Variants in CSMD1 observed in about 807,000 individuals in gnomAD.
CSMD1 encodes CUB and Sushi multiple domains 1, also known as CUB and sushi domain-containing protein 1.
In CSMD1, 213 loss-of-function variants were observed where a neutral mutation model predicts 417.5. The observed-to-expected ratio is 0.51, with a 90% confidence interval of 0.46 to 0.57. The LOEUF (loss-of-function observed/expected upper bound fraction) is 0.57, where lower values mean the gene tolerates loss of function less well. Among genes scored for constraint, CSMD1 ranks in the 20% least tolerant of loss-of-function variants. CSMD1 has a pLI of 0.00. For synonymous variants in CSMD1, 2,862 were observed against 1,736.8 expected, an observed-to-expected ratio of 1.65 and a Z score of -16.11; for missense variants, 6,923 against 4,529.7, an observed-to-expected ratio of 1.53 and a Z score of -15.17.
At chr8:3,788,697 TTA>T (rs906000156) in intron 5 of CSMD1, among the ~76,000 whole-genome samples, 1 of 152,194 alleles carries the variant, frequency 6.6e-6, no homozygotes, top group Admixed American at 6.5e-5. Context: ...ACAGACACAG[TTA>T]TGAGTCTAAG....
At chr8:4,921,903 C>A (rs555866133) in intron 1 of CSMD1, among the ~76,000 whole-genome samples, 3 of 152,288 alleles carry the variant, frequency 2.0e-5, no homozygotes, top group African/African-American at 7.2e-5. Context: ...ACCTTCCATG[C>A]AAGAAGCCAC....
chr8:3,017,465 A>G (rs1056487663), intron 52 of CSMD1, among the ~76,000 whole-genome samples: 8 of 152,320 alleles, frequency 5.3e-5, no homozygotes, highest in South Asian at 2.1e-4. Flanking sequence ...CATATATATA[A>G]TTGTGTTCAA....
chr8:3,070,316 C>T (rs1813247837), intron 49 of CSMD1, among the ~76,000 whole-genome samples: 1 of 152,220 alleles, frequency 6.6e-6, no homozygotes, highest in South Asian at 2.1e-4. Flanking sequence ...AAGCTTTTTT[C>T]TTCCTCTGCC....
intron 1 of CSMD1, among the ~76,000 whole-genome samples, chr8:4,674,786 C>G (rs1805570543): frequency 6.6e-6 from 1 of 152,102 alleles, no homozygotes; most frequent in Admixed American, 6.6e-5. Context: ...TGAATCGTGT[C>G]CCCCTCCAAA....
At chr8:3,841,607 A>G (rs557010115) in intron 5 of CSMD1, among the ~76,000 whole-genome samples, 2 of 152,286 alleles carry the variant, frequency 1.3e-5, no homozygotes, top group East Asian at 3.9e-4. Context: ...AAAGGATTTT[A>G]GAACTGGATC....
chr8:4,091,497 T>G (rs1019222520), intron 3 of CSMD1, among the ~76,000 whole-genome samples: 1 of 152,234 alleles, frequency 6.6e-6, no homozygotes, highest in Non-Finnish European at 1.5e-5. Context: ...TTTACTTATA[T>G]GCTGCATTGC....
chr8:3,032,819 A>T (rs756540405), intron 50 of CSMD1, among the ~76,000 whole-genome samples: 1 of 152,034 alleles, frequency 6.6e-6, no homozygotes, highest in Non-Finnish European at 1.5e-5. Flanking sequence ...GCAAAATTTC[A>T]CTTGCACACC....
chr8:3,096,631 A>G (rs1215936450), intron 47 of CSMD1, among the ~76,000 whole-genome samples: 4 of 152,190 alleles, frequency 2.6e-5, no homozygotes, highest in African/African-American at 7.2e-5. Flanking sequence ...GCAGCATGAA[A>G]ATGGACTAAT....
At chr8:3,304,726 TTC>T (rs1011541253) in intron 25 of CSMD1, among the ~76,000 whole-genome samples, 6 of 26,292 alleles carry the variant, frequency 2.3e-4, no homozygotes, top group African/African-American at 6.7e-4. Flanking sequence ...TTTTTTATTT[TTC>T]TCTTTTTAAT....
intron 1 of CSMD1, among the ~76,000 whole-genome samples, chr8:4,744,319 C>A (rs942907119): frequency 1.3e-5 from 2 of 152,114 alleles, no homozygotes; most frequent in Admixed American, 1.3e-4. Context: ...TTCCTGAGTT[C>A]TACTGATGTG....
At chr8:4,423,326 G>C (rs552908489) in intron 2 of CSMD1, among the ~76,000 whole-genome samples, 16 of 152,166 alleles carry the variant, frequency 1.1e-4, no homozygotes, top group South Asian at 1.0e-3. Flanking sequence ...GAATCTACAA[G>C]AAAATTTGTA....
At chr8:4,040,446 G>C (rs569102113) in intron 3 of CSMD1, among the ~76,000 whole-genome samples, 1 of 152,298 alleles carries the variant, frequency 6.6e-6, no homozygotes, top group Non-Finnish European at 1.5e-5. Flanking sequence ...TGGTAGTAGA[G>C]CTTGCATATG....
intron 5 of CSMD1, among the ~76,000 whole-genome samples, chr8:3,826,293 G>A (rs540583233): frequency 1.3e-5 from 2 of 152,060 alleles, no homozygotes; most frequent in Middle Eastern, 3.4e-3. Context: ...GGGTAATGAA[G>A]GAGGTTGAGA....
intron 69 of CSMD1, among the ~76,000 whole-genome samples, chr8:2,939,453 A>T (rs542804643): frequency 6.6e-6 from 1 of 152,348 alleles, no homozygotes; most frequent in Non-Finnish European, 1.5e-5. Context: ...GGTTAAAAGA[A>T]AACCCCTACG....
At chr8:4,977,632 C>A (rs567407367) in intron 1 of CSMD1, among the ~76,000 whole-genome samples, 1 of 152,180 alleles carries the variant, frequency 6.6e-6, no homozygotes, top group Non-Finnish European at 1.5e-5. Context: ...ACAGCTGCTG[C>A]CTTACCCCAC....
intron 3 of CSMD1, among the ~76,000 whole-genome samples, chr8:4,366,593 G>C (rs571816927): frequency 5.9e-5 from 9 of 151,602 alleles, no homozygotes; most frequent in Non-Finnish European, 1.2e-4. Context: ...AGCATCTGTT[G>C]TTTTTTTTGC....
At position 4,552,714 on chromosome 8, in the gene CSMD1, A is replaced by G. The variant is rs528435051; in HGVS notation, c.302+84628T>C. ...TATTACCCCATCACAAGATGCTCAG[A>G]AGCTTTAAAATTTAAAGTGAAACTA... On this transcript the variant is annotated intron_variant, in intron 2 of 69. Coordinates refer to ENST00000635120, the MANE Select transcript of CSMD1 (RefSeq NM_033225.6). 8.5e-5 allele frequency among the ~76,000 whole-genome samples: 13 copies of G among 152,308 alleles called. No homozygotes were observed. The South Asian group carries it at 2.7e-3, about 32-fold the overall frequency.
chr8:3,324,716 A>C (rs1053271982), intron 23 of CSMD1, among the ~76,000 whole-genome samples: 1 of 151,890 alleles, frequency 6.6e-6, no homozygotes, highest in Admixed American at 6.6e-5. Flanking sequence ...GCCCACATCT[A>C]ACCCCAGAGA....
At chr8:3,583,758 G>A (rs1800481282) in intron 9 of CSMD1, among the ~76,000 whole-genome samples, 2 of 152,106 alleles carry the variant, frequency 1.3e-5, no homozygotes, top group South Asian at 4.1e-4. Context: ...AGGAAAGGCA[G>A]AGCGTGTGGC....
Sources: gnomAD v4.1 joint callset for allele counts (sites outside exome capture counted in the v4.1 genomes callset) on GRCh38, gnomAD v4.1.1 for gene constraint, MANE v1.5 for transcripts, NCBI Gene and HGNC (gene_info 2026-07-23, HGNC 2026-07-21) for gene names.